SV2C: variants seen among roughly 807,000 people sequenced by gnomAD.
The protein encoded by SV2C is synaptic vesicle glycoprotein 2C.
SV2C carries 49 observed loss-of-function variants against 79.7 expected under a neutral mutation model. That is an observed-to-expected ratio of 0.61 (90% CI 0.49 to 0.78). The LOEUF is 0.78. SV2C is among the 30% of genes least tolerant of loss of function. The pLI, the probability that SV2C is intolerant of heterozygous loss-of-function variation, is 0.00. For synonymous variants in SV2C, 334 were observed against 333.2 expected, an observed-to-expected ratio of 1.00 and a Z score of -0.03; for missense variants, 833 against 912.9, an observed-to-expected ratio of 0.91 and a Z score of 1.13.
intron 2 of SV2C, among the ~76,000 whole-genome samples, chr5:76,164,440 G>A (rs878878715): frequency 1.3e-5 from 2 of 152,280 alleles, no homozygotes; most frequent in Admixed American, 1.3e-4. Flanking sequence ...GATCTATGTG[G>A]TGGAAAACAA....
chr5:76,025,928 G>T, the SV2C span, among the ~76,000 whole-genome samples: 3 of 152,148 alleles, frequency 2.0e-5, no homozygotes, highest in Non-Finnish European at 2.9e-5. Flanking sequence ...TCAGAAGTTT[G>T]TCTGGATGAC....
chr5:75,948,771 T>G, the SV2C span, among the ~76,000 whole-genome samples: 7 of 152,002 alleles, frequency 4.6e-5, no homozygotes, highest in East Asian at 9.7e-4. Flanking sequence ...CTGGTATAAT[T>G]AGAGTGGATT....
At chr5:76,318,448 G>A (rs1748712831) in intron 12 of SV2C, among the ~76,000 whole-genome samples, 1 of 151,964 alleles carries the variant, frequency 6.6e-6, no homozygotes, top group South Asian at 2.1e-4. Context: ...AAAACAGCAT[G>A]AAACAATATA....
the SV2C span, among the ~76,000 whole-genome samples, chr5:76,057,956 T>C: frequency 6.6e-6 from 1 of 152,190 alleles, no homozygotes; most frequent in African/African-American, 2.4e-5. Flanking sequence ...TTGACAATGA[T>C]GTACTTTATA....
intron 3 of SV2C, among the ~76,000 whole-genome samples, chr5:76,201,049 A>G (rs1457381403): frequency 6.6e-6 from 1 of 152,234 alleles, no homozygotes; most frequent in Non-Finnish European, 1.5e-5. Context: ...TCTTCTTAGA[A>G]ACACAAATAT....
the SV2C span, among the ~76,000 whole-genome samples, chr5:75,987,660 T>C: frequency 6.6e-6 from 1 of 152,012 alleles, no homozygotes; most frequent in Non-Finnish European, 1.5e-5. Flanking sequence ...AAAGATTTAG[T>C]TCTAAATCTC....
chr5:75,960,915 A>G, the SV2C span, among the ~76,000 whole-genome samples: 1 of 152,124 alleles, frequency 6.6e-6, no homozygotes, highest in African/African-American at 2.4e-5. Context: ...CTTTGCACAT[A>G]CTTCTTTCAT....
At chr5:76,168,539 A>G (rs1456576637) in intron 2 of SV2C, among the ~76,000 whole-genome samples, 1 of 152,192 alleles carries the variant, frequency 6.6e-6, no homozygotes, top group African/African-American at 2.4e-5. Flanking sequence ...TGAAGGAGGT[A>G]TGGTGATCTT....
chr5:75,911,060 A>C, the SV2C span: 1 of 1,235,620 alleles, frequency 8.1e-7, no homozygotes, highest in East Asian at 2.3e-5. Flanking sequence ...TGTCGCAACA[A>C]CTGAAGATCT....
intron 1 of SV2C, among the ~76,000 whole-genome samples, chr5:76,110,875 G>A (rs746459630): frequency 1.3e-5 from 2 of 152,192 alleles, no homozygotes; most frequent in Non-Finnish European, 2.9e-5. Context: ...GCAGCTGAGA[G>A]AGAACAAGAT....
chr5:75,989,451 A>C, the SV2C span, among the ~76,000 whole-genome samples: 1 of 152,032 alleles, frequency 6.6e-6, no homozygotes, highest in Non-Finnish European at 1.5e-5. Flanking sequence ...TGTCCCTGCA[A>C]AGGATGTGGT....
At position 76,098,820 on chromosome 5, in the gene SV2C, A is replaced by G. The variant is rs12110148; in HGVS notation, c.-102+15308A>G. ...TGAGACCATGAATCCAGGTCATCTT[A>G]TACCTGTACCTTTATTTAATATCAG... On this transcript the variant is annotated intron_variant, in intron 1 of 12. Transcript: ENST00000502798. Among the ~76,000 whole-genome samples, 643 of 152,348 alleles carry G rather than the reference A, an allele frequency of 4.2e-3. 5 individuals carry two copies. Among genetic ancestry groups the G allele is most frequent in the East Asian group, 0.013 (70 of 5,194 alleles).
chr5:76,283,107 G>T (rs1242484639), intron 4 of SV2C, among the ~76,000 whole-genome samples: 1 of 152,128 alleles, frequency 6.6e-6, no homozygotes, highest in Non-Finnish European at 1.5e-5. Flanking sequence ...GAGATCAGGA[G>T]ATCGAGACCA....
chr5:75,934,452 A>C, the SV2C span, among the ~76,000 whole-genome samples: 1 of 151,656 alleles, frequency 6.6e-6, no homozygotes, highest in South Asian at 2.1e-4. Flanking sequence ...ACAGCTGGTT[A>C]ATTTTTTCTA....
At chr5:76,031,984 G>A in the SV2C span, among the ~76,000 whole-genome samples, 1 of 152,146 alleles carries the variant, frequency 6.6e-6, no homozygotes, top group African/African-American at 2.4e-5. Context: ...AGGTAGTTTA[G>A]TCATTAGTTC....
At chr5:76,002,259 T>C in the SV2C span, among the ~76,000 whole-genome samples, 1 of 152,158 alleles carries the variant, frequency 6.6e-6, no homozygotes, top group African/African-American at 2.4e-5. Flanking sequence ...AATTGTGAAT[T>C]GTGTTGCTAT....
At chr5:76,251,043 G>C (rs564479940) in intron 4 of SV2C, among the ~76,000 whole-genome samples, 1 of 152,270 alleles carries the variant, frequency 6.6e-6, no homozygotes, top group Admixed American at 6.5e-5. Context: ...TGCATCAGGA[G>C]CATTTCCCAC....
At chr5:76,240,798 C>T (rs186925933) in intron 4 of SV2C, among the ~76,000 whole-genome samples, 6 of 152,218 alleles carry the variant, frequency 3.9e-5, no homozygotes, top group African/African-American at 1.2e-4. Flanking sequence ...CAGAATTTCA[C>T]GAGGCTCCAA....
chr5:75,889,936 C>T, the SV2C span, among the ~76,000 whole-genome samples: 2 of 152,048 alleles, frequency 1.3e-5, no homozygotes, highest in Admixed American at 6.6e-5. Context: ...AATGTATAGT[C>T]AGTCTTAAGC....
Sources: gnomAD v4.1 joint callset for allele counts (sites outside exome capture counted in the v4.1 genomes callset) on GRCh38, gnomAD v4.1.1 for gene constraint, MANE v1.5 for transcripts, NCBI Gene and HGNC (gene_info 2026-07-23, HGNC 2026-07-21) for gene names.